Variants in HS6ST2 observed in about 807,000 individuals in gnomAD.
HS6ST2 encodes the protein heparan sulfate 6-O-sulfotransferase 2.
HS6ST2 carries 17 observed loss-of-function variants against 33.0 expected under a neutral mutation model. That is an observed-to-expected ratio of 0.52 (90% CI 0.35 to 0.77). The LOEUF (loss-of-function observed/expected upper bound fraction) is 0.77. Among genes scored for constraint, HS6ST2 ranks in the 30% least tolerant of loss-of-function variants. The pLI, the probability that HS6ST2 is intolerant of heterozygous loss-of-function variation, is 0.01. For synonymous variants in HS6ST2, 248 were observed against 237.1 expected, an observed-to-expected ratio of 1.05 and a Z score of -0.42; for missense variants, 519 against 551.7, an observed-to-expected ratio of 0.94 and a Z score of 0.59.
intron 4 of HS6ST2, among the ~76,000 whole-genome samples, chrX:132,639,705 TAGGGGTTG>T (rs1395346354): frequency 1.8e-5 from 2 of 111,868 alleles, no homozygotes; most frequent in African/African-American, 6.5e-5. Flanking sequence ...CTGCCAGAGC[TAGGGGTTG>T]GTTCTCTTCC....
At chrX:132,771,666 T>C (rs1443100379) in intron 2 of HS6ST2, among the ~76,000 whole-genome samples, 6 of 111,625 alleles carry the variant, frequency 5.4e-5, no homozygotes, top group Non-Finnish European at 1.1e-4. Context: ...AAAGTATAAG[T>C]TGGTTGCTTG....
chrX:132,828,230 T>C (rs1468358425), intron 2 of HS6ST2, among the ~76,000 whole-genome samples: 1 of 110,795 alleles, frequency 9.0e-6, no homozygotes, highest in Non-Finnish European at 1.9e-5. Context: ...CTACTTTATT[T>C]CTGTAACACA....
chrX:132,705,188 CGTGTGTGT>C (rs59172290), intron 3 of HS6ST2, among the ~76,000 whole-genome samples: 2 of 103,265 alleles, frequency 1.9e-5, no homozygotes, highest in African/African-American at 7.1e-5. Context: ...TGTGGGCACG[CGTGTGTGT>C]GTGTGTGTGT....
At chrX:132,905,223 T>A (rs1321081119) in intron 2 of HS6ST2, among the ~76,000 whole-genome samples, 1 of 112,183 alleles carries the variant, frequency 8.9e-6, no homozygotes, top group Non-Finnish European at 1.9e-5. Context: ...CAAAATGACT[T>A]CACTTCAATG....
At position 132,728,405 on chromosome X, in the gene HS6ST2, G is replaced by A. The variant is rs142446840; in HGVS notation, c.948-19911C>T. The stretch of plus-strand genomic sequence containing the variant: ...TCTGGGCCTCTTAATTAATGCCTAG[G>A]CTGGTGGGAGAAACAAAACAAATAA... On this transcript the variant is annotated intron_variant, in intron 2 of 4. Transcript: ENST00000370833. Among the ~76,000 whole-genome samples, 8 of 112,106 alleles carry A rather than the reference G, an allele frequency of 7.1e-5. No homozygotes were observed. In the East Asian group the frequency reaches 2.0e-3, roughly 28 times the overall value.
At chrX:132,947,586 C>T (rs767822601) in intron 2 of HS6ST2, among the ~76,000 whole-genome samples, 10 of 111,889 alleles carry the variant, frequency 8.9e-5, no homozygotes, top group Non-Finnish European at 1.3e-4. Context: ...ATAGCCACAT[C>T]AGTTTACTTC....
intron 2 of HS6ST2, among the ~76,000 whole-genome samples, chrX:132,866,821 A>T (rs1436059504): frequency 9.8e-6 from 1 of 102,419 alleles, no homozygotes; most frequent in Admixed American, 1.1e-4. Context: ...ATTTTTGTAC[A>T]TTGATTTTGT....
intron 2 of HS6ST2, among the ~76,000 whole-genome samples, chrX:132,882,416 G>T (rs1381569210): frequency 9.4e-6 from 1 of 105,989 alleles, no homozygotes; most frequent in Non-Finnish European, 1.9e-5. Context: ...TCATGATTTG[G>T]CTCTCTGTTT....
chrX:132,787,437 C>T (rs1175373591), intron 2 of HS6ST2, among the ~76,000 whole-genome samples: 3 of 98,692 alleles, frequency 3.0e-5, no homozygotes, highest in African/African-American at 1.1e-4. Flanking sequence ...GGATTACAGG[C>T]ACCCACCACC....
rs1158976126 is a variant in HS6ST2, at chrX:132,895,061, G to C, written c.947+61747C>G. The stretch of plus-strand genomic sequence containing the variant: ...AAACTAAAACCTCTTCTTTCTTTTT[G>C]TCTCGCAGTTCAAATTCTATCACTG... On this transcript the variant is annotated intron_variant, in intron 2 of 4. Coordinates refer to ENST00000370833, the MANE Select transcript of HS6ST2 (RefSeq NM_001394073.1). Among the ~76,000 whole-genome samples, 6 of 111,830 alleles carry C rather than the reference G, an allele frequency of 5.4e-5. No homozygotes were observed. In the Admixed American group the frequency reaches 5.7e-4, roughly 11 times the overall value.
chrX:132,731,857 GA>G (rs1481205908), intron 2 of HS6ST2, among the ~76,000 whole-genome samples: 2 of 101,866 alleles, frequency 2.0e-5, no homozygotes, highest in African/African-American at 3.6e-5. Flanking sequence ...AGAAGAAAAG[GA>G]AAAAAAAAAG....
intron 2 of HS6ST2, among the ~76,000 whole-genome samples, chrX:132,776,025 G>A (rs773178071): frequency 3.6e-5 from 4 of 110,059 alleles, no homozygotes; most frequent in African/African-American, 1.3e-4. Context: ...ATGCCATGTA[G>A]TTGTTAAACT....
At chrX:132,886,310 C>T (rs2148446800) in intron 2 of HS6ST2, among the ~76,000 whole-genome samples, 1 of 111,218 alleles carries the variant, frequency 9.0e-6, no homozygotes, top group Non-Finnish European at 1.9e-5. Flanking sequence ...TTAAAATTTT[C>T]CCACAGAGCC....
intron 2 of HS6ST2, among the ~76,000 whole-genome samples, chrX:132,726,111 G>A (rs1189983650): frequency 9.0e-6 from 1 of 110,740 alleles, no homozygotes; most frequent in Non-Finnish European, 1.9e-5. Context: ...TCAACAACAC[G>A]GTGACTATAG....
chrX:132,745,902 T>A (rs1267788482), intron 2 of HS6ST2, among the ~76,000 whole-genome samples: 1 of 112,104 alleles, frequency 8.9e-6, no homozygotes, highest in Admixed American at 9.5e-5. Flanking sequence ...CAGTTTCTGT[T>A]TTTTTCTTAC....
intron 4 of HS6ST2, among the ~76,000 whole-genome samples, chrX:132,635,394 C>A (rs935374698): frequency 9.0e-6 from 1 of 111,580 alleles, no homozygotes; most frequent in South Asian, 3.8e-4. Context: ...CACTTCCACA[C>A]CCCCAGATGG....
intron 2 of HS6ST2, among the ~76,000 whole-genome samples, chrX:132,937,815 G>C (rs772139974): frequency 4.2e-4 from 47 of 111,295 alleles, no homozygotes; most frequent in Non-Finnish European, 8.3e-4. Flanking sequence ...TTTGTCAAGA[G>C]AATGCGAGGT....
At chrX:132,769,107 A>C (rs144647385) in intron 2 of HS6ST2, among the ~76,000 whole-genome samples, 39 of 112,009 alleles carry the variant, frequency 3.5e-4, no homozygotes, top group Non-Finnish European at 1.7e-4. Context: ...CCAGACACTA[A>C]TTCCCTTTCC....
intron 3 of HS6ST2, among the ~76,000 whole-genome samples, chrX:132,674,828 C>T (rs934224249): frequency 8.9e-6 from 1 of 111,889 alleles, no homozygotes; most frequent in African/African-American, 3.3e-5. Context: ...TGGGCTTCTC[C>T]ATCACATCAG....
Sources: allele counts gnomAD v4.1 joint callset (sites outside exome capture counted in the v4.1 genomes callset), GRCh38; gene constraint gnomAD v4.1.1; transcripts MANE v1.5; gene names NCBI Gene and HGNC (gene_info 2026-07-23, HGNC 2026-07-21).